The following CSMD2 variants were observed in gnomAD, a reference collection of about 807,000 sequenced individuals.
CSMD2 encodes the protein CUB and sushi domain-containing protein 2.
A neutral mutation model predicts 398.5 loss-of-function variants in CSMD2; 130 were observed. The ratio of observed to expected loss-of-function variants is 0.33; its 90% CI spans 0.28 to 0.38. The LOEUF is 0.38. Ranked by LOEUF, CSMD2 falls within the 10% of genes least tolerant of loss-of-function variation. The pLI is 1.00. For synonymous variants in CSMD2, 1,828 were observed against 1,908.5 expected, an observed-to-expected ratio of 0.96 and a Z score of 1.10; for missense variants, 3,829 against 4,764.9, an observed-to-expected ratio of 0.80 and a Z score of 5.78.
At chr1:33,754,079 A>G (rs147820991) in intron 13 of CSMD2, among the ~76,000 whole-genome samples, 1,623 of 152,300 alleles carry the variant, frequency 0.011, 26 homozygotes, top group African/African-American at 0.037. Flanking sequence ...GGAAGGGATA[A>G]TTGTATTTTA....
In CSMD2 at chr1:33,797,000, T is replaced by C. The variant is rs539200950; in HGVS notation, c.1447-4474A>G. On this transcript the variant is annotated intron_variant, in intron 10 of 70. Transcript: ENST00000373381. Reference sequence around the variant, plus strand: ...GGCGAAAAAAACCCACCCTGGTAAATCTGAGGTCAGACCGGTTCTCTGCTC... The same window carrying C: ...GGCGAAAAAAACCCACCCTGGTAAACCTGAGGTCAGACCGGTTCTCTGCTC... 3.3e-5 allele frequency among the ~76,000 whole-genome samples: 5 copies of C among 152,254 alleles called. 1 individual carries two copies. Among genetic ancestry groups the C allele is most frequent in the African/African-American group, 1.2e-4 (5 of 41,550 alleles).
At chr1:34,050,954 C>A (rs1213337658) in intron 2 of CSMD2, among the ~76,000 whole-genome samples, 1 of 152,168 alleles carries the variant, frequency 6.6e-6, no homozygotes, top group Non-Finnish European at 1.5e-5. Flanking sequence ...GGTGTCACAA[C>A]AATGATCCTA....
At chr1:33,744,452 C>G (rs1355000058) in intron 13 of CSMD2, among the ~76,000 whole-genome samples, 1 of 152,114 alleles carries the variant, frequency 6.6e-6, no homozygotes, top group Non-Finnish European at 1.5e-5. Context: ...GATCCCTGTC[C>G]ACGTCCTGTT....
chr1:33,865,137 T>G (rs1222967426), intron 5 of CSMD2, among the ~76,000 whole-genome samples: 1 of 151,018 alleles, frequency 6.6e-6, no homozygotes, highest in Non-Finnish European at 1.5e-5. Context: ...GTGATCCAGG[T>G]GAGAGGACCC....
intron 3 of CSMD2, among the ~76,000 whole-genome samples, chr1:33,946,778 A>G (rs1214696730): frequency 7.6e-6 from 1 of 130,974 alleles, no homozygotes; most frequent in Non-Finnish European, 1.6e-5. Flanking sequence ...ACCACCCACC[A>G]TGTCCAGCTA....
rs750268594 is a variant in CSMD2 at position 33,519,892 on chromosome 1, G to A, written c.10656C>T (p.Ser3552=). 1 of 1,614,178 alleles carries A rather than the reference G, an allele frequency of 6.2e-7. No individual in the cohort carries two copies. Among genetic ancestry groups the A allele is most frequent in the Non-Finnish European group, 8.5e-7 (1 of 1,180,020 alleles). The change falls in exon 69 of 71, where the codon AGC becomes AGT. Residue 3552 remains serine (S), a synonymous_variant. Transcript: ENST00000373381. The surrounding 1 kb of genome is among the most constrained non-coding windows in gnomAD (Gnocchi z 5.6). ...ESIGRHFASN[S]SSVAAAILVP... is the part of the protein sequence containing the mutation. ...CCAGGATCGCGGCTGCCACTGAGCTGCTGTTGGAAGCAAAGTGGCGGCCAA... is the reference window on the plus strand; with the variant it reads ...CCAGGATCGCGGCTGCCACTGAGCTACTGTTGGAAGCAAAGTGGCGGCCAA...
chr1:33,900,414 T>C (rs1642670214), intron 5 of CSMD2, among the ~76,000 whole-genome samples: 2 of 152,354 alleles, frequency 1.3e-5, no homozygotes, highest in South Asian at 4.1e-4. Flanking sequence ...ATCCAATTTC[T>C]GGCTCGGACA....
At chr1:33,749,364 G>A (rs553487091) in intron 13 of CSMD2, among the ~76,000 whole-genome samples, 256 of 152,182 alleles carry the variant, frequency 1.7e-3, no homozygotes, top group African/African-American at 5.9e-3. Flanking sequence ...CTCCCAAAGT[G>A]CTGGGATTAC....
chr1:33,714,462 G>GT, intron 21 of CSMD2, 125 bp downstream of exon 21: 4 of 1,122,454 alleles, frequency 3.6e-6, no homozygotes, highest in Non-Finnish European at 5.2e-6. Context: ...CCCACTGCAG[G>GT]TAAGTGTGGT....
At chr1:33,550,915 A>G (rs542520266) in intron 55 of CSMD2, among the ~76,000 whole-genome samples, 1 of 152,358 alleles carries the variant, frequency 6.6e-6, no homozygotes, top group African/African-American at 2.4e-5. Flanking sequence ...TGTCTAGGCA[A>G]GGGTAATGCT....
At chr1:34,065,806 C>T (rs1354873398) in intron 2 of CSMD2, among the ~76,000 whole-genome samples, 1 of 152,118 alleles carries the variant, frequency 6.6e-6, no homozygotes, top group Non-Finnish European at 1.5e-5. Flanking sequence ...TACCCTGGGG[C>T]TCAAAGATGA....
chr1:33,738,410 C>T (rs1040822697), intron 15 of CSMD2, among the ~76,000 whole-genome samples: 1 of 152,176 alleles, frequency 6.6e-6, no homozygotes, highest in Non-Finnish European at 1.5e-5. Flanking sequence ...ACAAATTTGC[C>T]TGGTGCACAA....
At position 33,558,459 on chromosome 1, in the gene CSMD2, A is replaced by T. The variant is rs530082491; in HGVS notation, c.8555-537T>A. On this transcript the variant is annotated intron_variant, in intron 54 of 70. Coordinates refer to ENST00000373381, the MANE Select transcript of CSMD2 (RefSeq NM_001281956.2). ...AGTGTTTCCAAAGCAGCTTAACTCA[A>T]AATCAGGATAAGATTTTAGAATAAT... Among the ~76,000 whole-genome samples, 3 of 152,366 alleles carry T rather than the reference A, an allele frequency of 2.0e-5. No homozygotes were observed. In the East Asian group the frequency reaches 5.8e-4, roughly 29 times the overall value.
At chr1:33,652,489 G>C in intron 27 of CSMD2, 28 bp from the exon 28 acceptor site, 6 of 1,610,452 alleles carry the variant, frequency 3.7e-6, no homozygotes, top group Non-Finnish European at 5.1e-6. Flanking sequence ...CGAGGGTGAG[G>C]CTGCCTCTTC....
At chr1:33,807,549 AAT>A (rs1656365047) in intron 10 of CSMD2, among the ~76,000 whole-genome samples, 1 of 152,228 alleles carries the variant, frequency 6.6e-6, no homozygotes, top group African/African-American at 2.4e-5. Flanking sequence ...ATAAGTGGTC[AAT>A]ATATGAGTAA....
intron 22 of CSMD2, among the ~76,000 whole-genome samples, chr1:33,703,071 C>T (rs994575526): frequency 3.3e-5 from 5 of 151,986 alleles, no homozygotes; most frequent in African/African-American, 4.8e-5. Flanking sequence ...TGTGCATGAC[C>T]CACACTGTTT....
chr1:33,783,431 T>TCTC (rs1653056945), intron 12 of CSMD2, among the ~76,000 whole-genome samples: 2 of 135,150 alleles, frequency 1.5e-5, no homozygotes, highest in African/African-American at 2.9e-5. Flanking sequence ...CATTCTCTCA[T>TCTC]TCTCTCTCTC....
chr1:33,970,062 C>A (rs571178496), intron 3 of CSMD2, among the ~76,000 whole-genome samples: 1 of 150,524 alleles, frequency 6.6e-6, no homozygotes, highest in Non-Finnish European at 1.5e-5. Flanking sequence ...GCCGAGATCA[C>A]GCCATTGCAC....
intron 10 of CSMD2, among the ~76,000 whole-genome samples, chr1:33,796,920 G>C (rs1174058145): frequency 2.6e-5 from 4 of 152,182 alleles, no homozygotes; most frequent in African/African-American, 4.8e-5. Context: ...ATGTGGTTGA[G>C]ACAAGGACTG....
Sources: allele counts gnomAD v4.1 joint callset (sites outside exome capture counted in the v4.1 genomes callset), GRCh38; gene constraint gnomAD v4.1.1; non-coding constraint Gnocchi (gnomAD v3.1); transcripts MANE v1.5; gene names NCBI Gene and HGNC (gene_info 2026-07-23, HGNC 2026-07-21).